NAALADL2: variants seen among roughly 807,000 people sequenced by gnomAD.
The protein encoded by NAALADL2 is inactive N-acetylated-alpha-linked acidic dipeptidase-like protein 2.
In NAALADL2, 76 loss-of-function variants were observed where a neutral mutation model predicts 87.2. The observed-to-expected ratio is 0.87, with a 90% CI of 0.72 to 1.05. The LOEUF is 1.05. Ranked by LOEUF, NAALADL2 falls within the 50% of genes least tolerant of loss-of-function variation. The pLI, the probability that NAALADL2 is intolerant of heterozygous loss-of-function variation, is 0.00. For missense variants in NAALADL2, 1,089 were observed against 945.8 expected (o/e 1.15, Z -1.99); for synonymous variants, 354 against 331.0 (o/e 1.07, Z -0.75).
At chr3:175,314,129 G>T (rs78750452) in intron 4 of NAALADL2, among the ~76,000 whole-genome samples, 6,271 of 150,490 alleles carry the variant, frequency 0.042, 429 homozygotes, top group African/African-American at 0.14. Context: ...ACCTTCTCTG[G>T]CATTAATTTT....
At chr3:175,381,783 T>C (rs189174548) in intron 5 of NAALADL2, among the ~76,000 whole-genome samples, 159 of 152,242 alleles carry the variant, frequency 1.0e-3, no homozygotes, top group Non-Finnish European at 1.9e-3. Context: ...GAGTGTAAGT[T>C]TTTGTGTGAC....
At chr3:175,143,229 A>G (rs1424546966) in intron 2 of NAALADL2, among the ~76,000 whole-genome samples, 1 of 151,944 alleles carries the variant, frequency 6.6e-6, no homozygotes. Context: ...AATAGTGTCC[A>G]TCTTGCAGTT....
At chr3:175,798,977 A>C (rs2108336495) in intron 13 of NAALADL2, among the ~76,000 whole-genome samples, 1 of 152,206 alleles carries the variant, frequency 6.6e-6, no homozygotes, top group African/African-American at 2.4e-5. Flanking sequence ...TAACAGTCTA[A>C]GAATCTTTAA....
intron 1 of NAALADL2, among the ~76,000 whole-genome samples, chr3:174,922,197 G>A (rs1277786518): frequency 3.3e-5 from 5 of 151,550 alleles, no homozygotes; most frequent in Admixed American, 1.3e-4. Context: ...GTAGTCCTAC[G>A]TTCTTGGGAG....
At chr3:175,178,965 G>T (rs1190110278) in intron 2 of NAALADL2, among the ~76,000 whole-genome samples, 1 of 151,974 alleles carries the variant, frequency 6.6e-6, no homozygotes, top group Non-Finnish European at 1.5e-5. Flanking sequence ...TGATTGAAAA[G>T]AATTGTGAAT....
intron 5 of NAALADL2, among the ~76,000 whole-genome samples, chr3:175,409,711 A>G (rs566938805): frequency 0.025 from 3,835 of 152,110 alleles, 140 homozygotes; most frequent in African/African-American, 0.087. Context: ...GTTATTAAAA[A>G]AAGTAGATAT....
chr3:174,897,402 C>A lies in NAALADL2; in HGVS notation c.43+37952C>A, dbSNP rs549972931. 1.5e-4 allele frequency among the ~76,000 whole-genome samples: 22 copies of A among 145,754 alleles called. No individual in the cohort carries two copies. In the South Asian group the frequency reaches 4.0e-3, roughly 27 times the overall value. On this transcript the variant is annotated intron_variant, in intron 1 of 13. Transcript: ENST00000454872. ...CAAAAGACAACATACAAATGGCAAA[C>A]TGGTAAAAAAAAAAAAAGTGCTAAC... is the stretch of plus-strand genomic sequence containing the variant.
intron 1 of NAALADL2, among the ~76,000 whole-genome samples, chr3:174,996,993 G>T (rs906394388): frequency 5.8e-5 from 7 of 121,590 alleles, no homozygotes; most frequent in Non-Finnish European, 1.2e-4. Flanking sequence ...TATTCCAAGG[G>T]GTGTGTGTGT....
intron 2 of NAALADL2, among the ~76,000 whole-genome samples, chr3:174,602,756 G>A (rs992464900): frequency 6.6e-6 from 1 of 151,954 alleles, no homozygotes; most frequent in Non-Finnish European, 1.5e-5. Flanking sequence ...GATATTAGCT[G>A]TGGGTTTGTT....
At chr3:175,135,519 T>C (rs1728980387) in intron 2 of NAALADL2, among the ~76,000 whole-genome samples, 1 of 152,186 alleles carries the variant, frequency 6.6e-6, no homozygotes, top group South Asian at 2.1e-4. Context: ...TATGAAGATT[T>C]TTAATAAACA....
At chr3:174,898,357 A>G (rs889515024) in intron 1 of NAALADL2, among the ~76,000 whole-genome samples, 4 of 151,404 alleles carry the variant, frequency 2.6e-5, no homozygotes, top group Non-Finnish European at 5.9e-5. Context: ...GGAGGAGGGT[A>G]GATAGATAAT....
At chr3:174,463,581 C>T (rs1004575386) in intron 1 of NAALADL2, among the ~76,000 whole-genome samples, 1 of 150,016 alleles carries the variant, frequency 6.7e-6, no homozygotes, top group African/African-American at 2.5e-5. Context: ...ACATTTAATG[C>T]TATACCCTAA....
intron 2 of NAALADL2, among the ~76,000 whole-genome samples, chr3:175,189,093 T>C (rs548262486): frequency 6.6e-4 from 100 of 152,274 alleles, no homozygotes; most frequent in Non-Finnish European, 1.2e-3. Context: ...TTCAACATAA[T>C]AAGGGCTATT....
At chr3:175,210,415 T>C (rs1016506287) in intron 2 of NAALADL2, among the ~76,000 whole-genome samples, 1 of 151,838 alleles carries the variant, frequency 6.6e-6, no homozygotes, top group Non-Finnish European at 1.5e-5. Context: ...TTGATCTTAC[T>C]TTTTTGTTAT....
chr3:174,849,740 A>G (rs1243287367), intron 3 of NAALADL2, among the ~76,000 whole-genome samples: 3 of 150,376 alleles, frequency 2.0e-5, no homozygotes, highest in African/African-American at 7.3e-5. Flanking sequence ...GACTCAAAAA[A>G]AAAAAAAAAA....
chr3:175,775,286 A>G (rs1224046728), intron 13 of NAALADL2: 1 of 152,072 alleles, frequency 6.6e-6, no homozygotes, highest in African/African-American at 2.4e-5. Context: ...AACATAAAAT[A>G]TTTGTTGAAT....
chr3:175,646,044 A>G (rs1203428880), intron 11 of NAALADL2, among the ~76,000 whole-genome samples: 2 of 152,106 alleles, frequency 1.3e-5, no homozygotes, highest in African/African-American at 2.4e-5. Context: ...AATTTGTAAA[A>G]CCTTAAACTA....
At chr3:175,382,490 T>C (rs1490908779) in intron 5 of NAALADL2, among the ~76,000 whole-genome samples, 2 of 151,710 alleles carry the variant, frequency 1.3e-5, no homozygotes, top group African/African-American at 2.4e-5. Context: ...CTGTTCTTTA[T>C]TGAATTCAGA....
chr3:175,033,967 A>G (rs1753096656), intron 1 of NAALADL2, among the ~76,000 whole-genome samples: 1 of 152,188 alleles, frequency 6.6e-6, no homozygotes. Flanking sequence ...AAACGTATGA[A>G]GCCTCACCAC....
Sources: gnomAD v4.1 joint callset for allele counts (sites outside exome capture counted in the v4.1 genomes callset) on GRCh38, gnomAD v4.1.1 for gene constraint, MANE v1.5 for transcripts, NCBI Gene and HGNC (gene_info 2026-07-23, HGNC 2026-07-21) for gene names.